MOB3B: variants seen among roughly 807,000 people sequenced by gnomAD.
MOB3B encodes the protein MOB kinase activator 3B, also known as MOB kinase activator-like 2B.
A neutral mutation model predicts 18.7 loss-of-function variants in MOB3B; 7 were observed. The observed-to-expected ratio is 0.37, with a 90% CI of 0.21 to 0.70. The LOEUF (loss-of-function observed/expected upper bound fraction) is 0.70. MOB3B is among the 30% of genes least tolerant of loss of function. The probability of loss-of-function intolerance (pLI) is 0.52; values close to 1 mark genes in which losing one functional copy is unlikely to be tolerated. For missense variants in MOB3B, 253 were observed against 281.3 expected (o/e 0.90, Z 0.72); for synonymous variants, 111 against 99.9 (o/e 1.11, Z -0.66).
At chr9:27,422,013 C>G (rs961372026) in intron 2 of MOB3B, among the ~76,000 whole-genome samples, 2 of 152,224 alleles carry the variant, frequency 1.3e-5, no homozygotes, top group African/African-American at 2.4e-5. Context: ...TTATTGTTCT[C>G]TGCTGTGTCC....
intron 1 of MOB3B, among the ~76,000 whole-genome samples, chr9:27,506,697 A>C (rs953608759): frequency 4.0e-5 from 6 of 151,226 alleles, no homozygotes; most frequent in Non-Finnish European, 8.9e-5. Flanking sequence ...CGCCCGGCTA[A>C]TTTTTTGTAA....
At chr9:27,511,674 C>T (rs925498063) in intron 1 of MOB3B, among the ~76,000 whole-genome samples, 1 of 152,278 alleles carries the variant, frequency 6.6e-6, no homozygotes, top group South Asian at 2.1e-4. Context: ...TTCAACAGTA[C>T]TTCTACTCTT....
At chr9:27,432,935 G>C (rs1445231474) in intron 2 of MOB3B, among the ~76,000 whole-genome samples, 1 of 152,018 alleles carries the variant, frequency 6.6e-6, no homozygotes, top group Non-Finnish European at 1.5e-5. Flanking sequence ...CCAATTACAT[G>C]GAATTCTCTA....
intron 1 of MOB3B, among the ~76,000 whole-genome samples, chr9:27,511,662 A>C (rs1341521798): frequency 1.3e-5 from 2 of 152,186 alleles, no homozygotes; most frequent in African/African-American, 4.8e-5. Context: ...TAAATCCTTC[A>C]TTTCAACAGT....
In MOB3B at chr9:27,359,022, G is replaced by A; in HGVS notation, c.621+12C>T. On this transcript the variant is annotated intron_variant, in intron 3 of 3. Coordinates refer to ENST00000262244, the MANE Select transcript of MOB3B (RefSeq NM_024761.5). Reference sequence around the variant, plus strand: ...GGTGACTTGGATACCATTATTTCATGGTGTCACTTACCAAAGGCTCTAGCT... The same window carrying A: ...GGTGACTTGGATACCATTATTTCATAGTGTCACTTACCAAAGGCTCTAGCT... 6.2e-7 allele frequency: 1 copy of A among 1,613,340 alleles called. No individual in the cohort carries two copies. The highest frequency in any genetic ancestry group is 2.2e-5 in the East Asian group (1 of 44,870).
chr9:27,362,425 A>G (rs1412227305), intron 2 of MOB3B, among the ~76,000 whole-genome samples: 1 of 152,142 alleles, frequency 6.6e-6, no homozygotes, highest in African/African-American at 2.4e-5. Flanking sequence ...TAGTATCTGT[A>G]CTGTGCTTGG....
chr9:27,399,653 C>T (rs1435910346), intron 2 of MOB3B, among the ~76,000 whole-genome samples: 1 of 152,144 alleles, frequency 6.6e-6, no homozygotes, highest in Non-Finnish European at 1.5e-5. Context: ...TCTCTGAACC[C>T]ATCCGCTAAT....
At chr9:27,481,170 G>A (rs1011205481) in intron 1 of MOB3B, among the ~76,000 whole-genome samples, 4 of 152,102 alleles carry the variant, frequency 2.6e-5, no homozygotes, top group African/African-American at 4.8e-5. Flanking sequence ...CAATGAACTC[G>A]CTCATCCATA....
At position 27,474,950 on chromosome 9, in the gene MOB3B, A is replaced by G. The variant is rs142436513; in HGVS notation, c.-198-19202T>C. On this transcript the variant is annotated intron_variant, in intron 1 of 3. Transcript: ENST00000262244. ...TCTCCTGGCATCCATGCTTTTGTAT[A>G]ATGCTCTGATTGAGTGAAGGCTGGA... 6.4e-3 allele frequency among the ~76,000 whole-genome samples: 974 copies of G among 152,278 alleles called. 10 individuals carry two copies. The highest frequency in any genetic ancestry group is 0.021 in the African/African-American group (893 of 41,552).
At chr9:27,393,441 G>T (rs1453381836) in intron 2 of MOB3B, among the ~76,000 whole-genome samples, 1 of 151,770 alleles carries the variant, frequency 6.6e-6, no homozygotes, top group East Asian at 1.9e-4. Context: ...GGATGAGGAG[G>T]TAGTTGCTCT....
chr9:27,362,912 G>A (rs1821293395), intron 2 of MOB3B, among the ~76,000 whole-genome samples: 1 of 152,194 alleles, frequency 6.6e-6, no homozygotes, highest in Non-Finnish European at 1.5e-5. Flanking sequence ...AACCTCAGAA[G>A]GTGGGACTTG....
intron 1 of MOB3B, among the ~76,000 whole-genome samples, chr9:27,513,226 C>T (rs535973078): frequency 2.1e-4 from 32 of 152,250 alleles, no homozygotes; most frequent in African/African-American, 7.2e-4. Flanking sequence ...CCCTAAGTAA[C>T]GTACTAACAA....
At chr9:27,478,324 G>A (rs747911856) in intron 1 of MOB3B, among the ~76,000 whole-genome samples, 26 of 151,940 alleles carry the variant, frequency 1.7e-4, no homozygotes, top group Non-Finnish European at 2.9e-4. Flanking sequence ...ACAATGAGCA[G>A]AAGAATTAGC....
intron 3 of MOB3B, among the ~76,000 whole-genome samples, chr9:27,358,524 A>G (rs538138926): frequency 6.1e-4 from 93 of 152,328 alleles, no homozygotes; most frequent in African/African-American, 2.2e-3. Flanking sequence ...CAAAGTCCCT[A>G]TGAGACTGTA....
In MOB3B at chr9:27,501,766, CA is replaced by C. The variant is rs36090681; in HGVS notation, c.-199+27788del. On this transcript the variant is annotated intron_variant, in intron 1 of 3. Transcript: ENST00000262244. The stretch of plus-strand genomic sequence containing the variant: ...TGGGCGACAGAGTGAGACTCTGTCT[CA>C]AAAAAAAAAAAAAAAGTGCTATTTG... Among the ~76,000 whole-genome samples, 307 of 129,066 alleles carry C rather than the reference CA, an allele frequency of 2.4e-3. 1 individual carries two copies. The highest frequency in any genetic ancestry group is 3.7e-3 in the African/African-American group (128 of 34,782). 84.7% of individuals were successfully genotyped at this position (129,066 alleles called of 152,430 possible). A position where few individuals can be genotyped will look rare whatever the true frequency, so the allele number is the denominator to read the frequency against.
intron 2 of MOB3B, among the ~76,000 whole-genome samples, chr9:27,435,431 G>T (rs1017940350): frequency 6.6e-6 from 1 of 152,062 alleles, no homozygotes; most frequent in African/African-American, 2.4e-5. Context: ...GTAGAGTAGA[G>T]AGAAAAATTA....
intron 2 of MOB3B, among the ~76,000 whole-genome samples, chr9:27,428,802 A>G (rs766220167): frequency 1.3e-5 from 2 of 152,146 alleles, no homozygotes; most frequent in Non-Finnish European, 2.9e-5. Flanking sequence ...GGGCTGGAAC[A>G]ATGGTAACCC....
At chr9:27,496,377 A>G (rs1003312468) in intron 1 of MOB3B, among the ~76,000 whole-genome samples, 4 of 152,246 alleles carry the variant, frequency 2.6e-5, no homozygotes, top group African/African-American at 9.6e-5. Context: ...ATCTATTTAC[A>G]TAGCATGCAT....
At chr9:27,444,996 A>G (rs543062060) in intron 2 of MOB3B, among the ~76,000 whole-genome samples, 33 of 152,190 alleles carry the variant, frequency 2.2e-4, no homozygotes, top group African/African-American at 8.0e-4. Context: ...GATGTAAAAA[A>G]TTATTTCTTT....
Sources: allele counts gnomAD v4.1 joint callset (sites outside exome capture counted in the v4.1 genomes callset), GRCh38; gene constraint gnomAD v4.1.1; transcripts MANE v1.5; gene names NCBI Gene and HGNC (gene_info 2026-07-23, HGNC 2026-07-21).